CTNNA1: variants seen among roughly 807,000 people sequenced by gnomAD.
CTNNA1 encodes catenin alpha-1.
Under a neutral mutation model 98.4 loss-of-function variants are expected in CTNNA1, and 37 were observed. That is an observed-to-expected ratio of 0.38 (90% CI 0.29 to 0.49). The LOEUF (loss-of-function observed/expected upper bound fraction) is 0.49, where lower values mean the gene tolerates loss of function less well. Ranked by LOEUF, CTNNA1 falls within the 20% of genes least tolerant of loss-of-function variation. The pLI is 0.95. For missense variants in CTNNA1, 761 were observed against 1,147.2 expected (o/e 0.66, Z 4.86); for synonymous variants, 404 against 413.2 (o/e 0.98, Z 0.27).
chr5:138,810,818 C>T (rs574961031), intron 4 of CTNNA1, among the ~76,000 whole-genome samples: 20 of 152,354 alleles, frequency 1.3e-4, no homozygotes, highest in Non-Finnish European at 2.6e-4. Context: ...ACCTCCCAGA[C>T]GGGGTTTCGG....
chr5:138,832,579 A>AT lies in CTNNA1; in HGVS notation c.1062+4869dup, dbSNP rs749880659. On this transcript the variant is annotated intron_variant, in intron 7 of 17. Transcript: ENST00000302763. ...AATTAAATTTGAAAAAGTTATTACCATTTTTTTTCATGATTGAAATTCAGA... is the reference window on the plus strand; with the variant it reads ...AATTAAATTTGAAAAAGTTATTACCATTTTTTTTTCATGATTGAAATTCAGA... Among the ~76,000 whole-genome samples the AT allele has an allele frequency of 2.1e-4, 32 of 152,182 alleles. No homozygotes were observed. The East Asian group carries it at 5.2e-3, about 25-fold the overall frequency.
At chr5:138,781,535 A>G (rs985658130) in intron 1 of CTNNA1, among the ~76,000 whole-genome samples, 1 of 147,648 alleles carries the variant, frequency 6.8e-6, no homozygotes, top group Non-Finnish European at 1.5e-5. Context: ...AGCCTGGGCG[A>G]AAGAGCAAGA....
chr5:138,814,576 T>C (rs958354078), intron 5 of CTNNA1, among the ~76,000 whole-genome samples: 3 of 152,202 alleles, frequency 2.0e-5, no homozygotes, highest in Non-Finnish European at 2.9e-5. Context: ...CTCTTTTGAA[T>C]ATGTGAAGTA....
At chr5:138,829,452 A>G (rs993187165) in intron 7 of CTNNA1, among the ~76,000 whole-genome samples, 1 of 152,180 alleles carries the variant, frequency 6.6e-6, no homozygotes, top group Non-Finnish European at 1.5e-5. Flanking sequence ...TTTGGTGGGA[A>G]GGAGGATGTG....
At chr5:138,840,920 C>T (rs1017697167) in intron 7 of CTNNA1, among the ~76,000 whole-genome samples, 7 of 152,096 alleles carry the variant, frequency 4.6e-5, no homozygotes, top group African/African-American at 1.7e-4. Context: ...AATATAGTTA[C>T]ATAAAAGGAT....
chr5:138,846,234 G>C (rs1301738311), intron 7 of CTNNA1, among the ~76,000 whole-genome samples: 1 of 152,164 alleles, frequency 6.6e-6, no homozygotes, highest in Non-Finnish European at 1.5e-5. Flanking sequence ...TTACAGGCGC[G>C]AGCCACTGCG....
chr5:138,907,131 C>T (rs1440176967), intron 10 of CTNNA1, among the ~76,000 whole-genome samples: 1 of 152,154 alleles, frequency 6.6e-6, no homozygotes. Context: ...AAGTGATTCT[C>T]CTGCTGCAGC....
intron 10 of CTNNA1, among the ~76,000 whole-genome samples, chr5:138,907,330 T>A (rs184713340): frequency 3.9e-5 from 6 of 152,306 alleles, no homozygotes; most frequent in Non-Finnish European, 8.8e-5. Flanking sequence ...CCCTACATTA[T>A]TTTAAACAAA....
At chr5:138,831,535 C>A (rs1761275935) in intron 7 of CTNNA1, among the ~76,000 whole-genome samples, 1 of 152,018 alleles carries the variant, frequency 6.6e-6, no homozygotes, top group South Asian at 2.1e-4. Flanking sequence ...AGTACTAGGG[C>A]ATTGTTCATT....
intron 3 of CTNNA1, among the ~76,000 whole-genome samples, chr5:138,797,211 G>A (rs951919085): frequency 6.6e-6 from 1 of 152,048 alleles, no homozygotes; most frequent in African/African-American, 2.4e-5. Context: ...AAAGATATTG[G>A]CATTTTTATC....
chr5:138,868,123 A>T (rs1282887115), intron 7 of CTNNA1, among the ~76,000 whole-genome samples: 2 of 152,234 alleles, frequency 1.3e-5, no homozygotes, highest in African/African-American at 4.8e-5. Flanking sequence ...TACATATAAC[A>T]TATAAAATAT....
chr5:138,857,689 A>T (rs569558877), intron 7 of CTNNA1, among the ~76,000 whole-genome samples: 74 of 152,350 alleles, frequency 4.9e-4, no homozygotes, highest in African/African-American at 1.7e-3. Flanking sequence ...CCATCAAAGC[A>T]TGAAGCATGG....
In CTNNA1 at chr5:138,815,208, A is replaced by T. The variant is rs1759308924; in HGVS notation, c.588+2906A>T. Among the ~76,000 whole-genome samples the T allele has an allele frequency of 3.3e-5, 5 of 151,728 alleles. No individual in the cohort carries two copies. In the South Asian group the frequency reaches 1.0e-3, roughly 32 times the overall value. On this transcript the variant is annotated intron_variant, in intron 5 of 17. Coordinates refer to ENST00000302763, the MANE Select transcript of CTNNA1 (RefSeq NM_001903.5). ...GTTCCTTGAACATAATCCCTTATGT[A>T]TTTTTTTCATGTGTTTTTTTTTGAA...
intron 10 of CTNNA1, among the ~76,000 whole-genome samples, chr5:138,911,491 A>G (rs1760623040): frequency 6.6e-6 from 1 of 151,984 alleles, no homozygotes; most frequent in Non-Finnish European, 1.5e-5. Context: ...GTGTCCTTAT[A>G]TGAGGGAGGC....
intron 1 of CTNNA1, among the ~76,000 whole-genome samples, chr5:138,761,484 G>A (rs900077751): frequency 9.2e-5 from 14 of 152,074 alleles, no homozygotes; most frequent in Non-Finnish European, 7.4e-5. Flanking sequence ...TGATCCGTCC[G>A]CCTCCTAAAG....
In CTNNA1 at chr5:138,762,375, C is replaced by T. The variant is rs143798759; in HGVS notation, c.-3+8865C>T. Among the ~76,000 whole-genome samples the T allele has an allele frequency of 4.6e-3, 693 of 152,294 alleles. 10 individuals are homozygous for T. The highest frequency in any genetic ancestry group is 0.01 in the Middle Eastern group (3 of 294). On this transcript the variant is annotated intron_variant, in intron 1 of 17. Coordinates refer to ENST00000302763, the MANE Select transcript of CTNNA1 (RefSeq NM_001903.5). The stretch of plus-strand genomic sequence containing the variant: ...TTTGCTCACTTGTGAGAGCACTATA[C>T]TGAATTATCCATTATTGAAAGTTCC...
intron 7 of CTNNA1, among the ~76,000 whole-genome samples, chr5:138,844,306 A>G (rs912320219): frequency 6.6e-5 from 10 of 152,088 alleles, no homozygotes; most frequent in Non-Finnish European, 2.9e-5. Flanking sequence ...CCAGAGTCAT[A>G]TTTTTAAAGT....
At chr5:138,865,162 T>G (rs1764641301) in intron 7 of CTNNA1, among the ~76,000 whole-genome samples, 3 of 152,160 alleles carry the variant, frequency 2.0e-5, no homozygotes, top group Non-Finnish European at 4.4e-5. Context: ...AGATGTGTAA[T>G]ATAATGTAGT....
intron 9 of CTNNA1, among the ~76,000 whole-genome samples, chr5:138,902,496 T>G (rs2150129307): frequency 6.6e-6 from 1 of 152,352 alleles, no homozygotes; most frequent in Middle Eastern, 3.4e-3. Context: ...CTCGGCTCAC[T>G]GCAAGCTCCG....
Sources: allele counts gnomAD v4.1 joint callset (sites outside exome capture counted in the v4.1 genomes callset), GRCh38; gene constraint gnomAD v4.1.1; transcripts MANE v1.5; gene names NCBI Gene and HGNC (gene_info 2026-07-23, HGNC 2026-07-21).